The following MYO3A variants were observed in gnomAD, a reference collection of about 807,000 sequenced individuals.
MYO3A encodes the protein myosin-IIIa.
In MYO3A, 180 loss-of-function variants were observed where a neutral mutation model predicts 192.7. That is an observed-to-expected ratio of 0.93 (90% CI 0.83 to 1.06). The LOEUF (loss-of-function observed/expected upper bound fraction) is 1.06. MYO3A is among the 50% of genes least tolerant of loss of function. The pLI, the probability that MYO3A is intolerant of heterozygous loss-of-function variation, is 0.00. For missense variants in MYO3A, 1,896 were observed against 1,905.0 expected (o/e 1.00, Z 0.09); for synonymous variants, 628 against 645.3 (o/e 0.97, Z 0.41).
At position 26,212,162 on chromosome 10, in the gene MYO3A, G is replaced by A. The variant is rs549908722; in HGVS notation, c.*199G>A. 121 of 740,654 alleles carry A rather than the reference G, an allele frequency of 1.6e-4. No individual in the cohort carries two copies. The African/African-American group carries it at 2.0e-3, about 12-fold the overall frequency. The allele number at this position is 740,654 out of a possible 1,614,324, so 45.9% of individuals were successfully genotyped here. On this transcript the variant is annotated 3_prime_UTR_variant, in exon 35 of 35. Coordinates refer to ENST00000642920, the MANE Select transcript of MYO3A (RefSeq NM_017433.5). ...GAAACAAGAGACCTGGGAGCCCTCG[G>A]GAAACCTCCCCCGACGCTCTCTCTC...
intron 4 of MYO3A, among the ~76,000 whole-genome samples, chr10:25,991,831 T>A (rs1402138174): frequency 6.6e-6 from 1 of 152,042 alleles, no homozygotes; most frequent in Non-Finnish European, 1.5e-5. Context: ...TGTAGATGTG[T>A]GGTATTATTT....
chr10:26,157,262 C>T (rs1010935641), intron 25 of MYO3A, 48 bp from the exon 26 acceptor site: 19 of 1,556,572 alleles, frequency 1.2e-5, no homozygotes, highest in South Asian at 6.7e-5. Context: ...CAAGCTCATA[C>T]GTTTTTGTAT....
intron 21 of MYO3A, among the ~76,000 whole-genome samples, 173 bp downstream of exon 21, chr10:26,143,774 G>A (rs1436051714): frequency 6.6e-6 from 1 of 152,196 alleles, no homozygotes; most frequent in Non-Finnish European, 1.5e-5. Flanking sequence ...GCATGTTTAT[G>A]ATAGGGTAAA....
At chr10:26,034,917 TA>T (rs1476280159) in intron 10 of MYO3A, among the ~76,000 whole-genome samples, 5 of 144,760 alleles carry the variant, frequency 3.5e-5, no homozygotes, top group Non-Finnish European at 3.1e-5. Flanking sequence ...GTGTTTTTTT[TA>T]CATGAAGCGT....
intron 22 of MYO3A, among the ~76,000 whole-genome samples, 171 bp downstream of exon 22, chr10:26,145,705 T>C (rs746461351): frequency 3.0e-4 from 45 of 152,210 alleles, no homozygotes; most frequent in Non-Finnish European, 5.4e-4. Flanking sequence ...TAATCCATCC[T>C]GTCCTTTGCT....
chr10:26,107,855 C>A (rs1837921916), intron 17 of MYO3A, among the ~76,000 whole-genome samples: 1 of 152,106 alleles, frequency 6.6e-6, no homozygotes, highest in East Asian at 1.9e-4. Context: ...TGCATTTACC[C>A]ATCCGATAAA....
intron 31 of MYO3A, among the ~76,000 whole-genome samples, chr10:26,178,365 A>G (rs1842432679): frequency 6.6e-6 from 1 of 152,180 alleles, no homozygotes; most frequent in Non-Finnish European, 1.5e-5. Context: ...CAGCCTGACC[A>G]ATATGGTGAA....
intron 14 of MYO3A, among the ~76,000 whole-genome samples, chr10:26,075,364 G>T (rs992995515): frequency 2.0e-5 from 3 of 150,530 alleles, no homozygotes; most frequent in African/African-American, 7.3e-5. Context: ...TGAGATTTTG[G>T]TGCACCCATC....
chr10:26,074,305 T>C (rs931465677), intron 14 of MYO3A, among the ~76,000 whole-genome samples: 12 of 152,062 alleles, frequency 7.9e-5, no homozygotes, highest in Non-Finnish European at 1.6e-4. Context: ...CTTTTTTCCT[T>C]ATGCATTTGG....
intron 24 of MYO3A, among the ~76,000 whole-genome samples, chr10:26,154,501 G>A (rs974080000): frequency 6.6e-6 from 1 of 152,140 alleles, no homozygotes; most frequent in Admixed American, 6.6e-5. Context: ...AGTTTTAAAT[G>A]TTACACTAAG....
chr10:26,207,738 G>A (rs1392965727), intron 34 of MYO3A, among the ~76,000 whole-genome samples: 2 of 43,844 alleles, frequency 4.6e-5, no homozygotes, highest in African/African-American at 9.6e-5. Context: ...TTTTGCTCAA[G>A]ATAGCTTTGA....
At position 26,096,322 on chromosome 10, in the gene MYO3A, G is replaced by A. The variant is rs893000469; in HGVS notation, c.1563-59G>A. The A allele has an allele frequency of 5.7e-6, 7 of 1,231,270 alleles. No individual in the cohort carries two copies. In the African/African-American group the frequency reaches 7.5e-5, roughly 13 times the overall value. 76.3% of individuals were successfully genotyped at this position (1,231,270 alleles called of 1,614,324 possible). A position where few individuals can be genotyped will look rare whatever the true frequency, so the allele number is the denominator to read the frequency against. On this transcript the variant is annotated intron_variant, in intron 15 of 34. Coordinates refer to ENST00000642920, the MANE Select transcript of MYO3A (RefSeq NM_017433.5). ...GTTGTTCAAATAATTATATTGTCAA[G>A]TAACTTAAGCAAGAAATGTTCTTAC...
intron 32 of MYO3A, among the ~76,000 whole-genome samples, chr10:26,195,120 A>G (rs949677659): frequency 1.3e-5 from 2 of 152,100 alleles, no homozygotes; most frequent in Non-Finnish European, 2.9e-5. Flanking sequence ...CTAGGCGATC[A>G]CCAATCTAGT....
At chr10:26,055,648 G>GTTTA (rs2131310854) in intron 10 of MYO3A, among the ~76,000 whole-genome samples, 1 of 152,258 alleles carries the variant, frequency 6.6e-6, no homozygotes, top group East Asian at 1.9e-4. Context: ...ATCCCTTTGT[G>GTTTA]TTTACATCAG....
At chr10:26,057,683 A>C (rs1834192758) in intron 10 of MYO3A, among the ~76,000 whole-genome samples, 1 of 152,194 alleles carries the variant, frequency 6.6e-6, no homozygotes, top group South Asian at 2.1e-4. Flanking sequence ...GAGTTTTGTG[A>C]CCACAAATAA....
In MYO3A at chr10:26,086,659, A is replaced by C. The variant is rs116354802; in HGVS notation, c.1360-1544A>C. Among the ~76,000 whole-genome samples, 690 of 152,102 alleles carry C rather than the reference A, an allele frequency of 4.5e-3. 5 individuals carry two copies. Among genetic ancestry groups the C allele is most frequent in the African/African-American group, 0.016 (655 of 41,494 alleles). On this transcript the variant is annotated intron_variant, in intron 14 of 34. Coordinates refer to ENST00000642920, the MANE Select transcript of MYO3A (RefSeq NM_017433.5). ...AAGGTGGTGCTACCCCAGGTGTCTGATCTCAGCCTTTTCTTCCCCCTTGCC... is the reference window on the plus strand; with the variant it reads ...AAGGTGGTGCTACCCCAGGTGTCTGCTCTCAGCCTTTTCTTCCCCCTTGCC...
At chr10:26,034,343 A>T (rs570974495) in intron 10 of MYO3A, among the ~76,000 whole-genome samples, 1 of 152,334 alleles carries the variant, frequency 6.6e-6, no homozygotes, top group Admixed American at 6.5e-5. Context: ...TATTATGGAC[A>T]CTTGAATCCC....
intron 4 of MYO3A, among the ~76,000 whole-genome samples, chr10:25,991,919 T>G (rs1840059115): frequency 6.6e-6 from 1 of 152,204 alleles, no homozygotes; most frequent in Non-Finnish European, 1.5e-5. Context: ...TGCTGTACCC[T>G]TGTAGTATAG....
At chr10:26,126,442 A>G (rs74129108) in intron 19 of MYO3A, among the ~76,000 whole-genome samples, 1,735 of 152,226 alleles carry the variant, frequency 0.011, 32 homozygotes, top group African/African-American at 0.039. Context: ...ACACCATTAT[A>G]CTATGTATAG....
Sources: allele counts gnomAD v4.1 joint callset (sites outside exome capture counted in the v4.1 genomes callset), GRCh38; gene constraint gnomAD v4.1.1; transcripts MANE v1.5; gene names NCBI Gene and HGNC (gene_info 2026-07-23, HGNC 2026-07-21).